Variants in LRRIQ3 observed in about 807,000 individuals in gnomAD.
LRRIQ3 encodes leucine-rich repeat and IQ domain-containing protein 3.
LRRIQ3 carries 75 observed loss-of-function variants against 59.3 expected under a neutral mutation model. That is an observed-to-expected ratio of 1.26 (90% CI 1.05 to 1.53). The LOEUF (loss-of-function observed/expected upper bound fraction) is 1.53, where lower values mean the gene tolerates loss of function less well. Among genes scored for constraint, LRRIQ3 ranks in the 40% most tolerant of loss-of-function variants. The probability of loss-of-function intolerance (pLI) is 0.00; values close to 1 mark genes in which losing one functional copy is unlikely to be tolerated. For missense variants in LRRIQ3, 831 were observed against 710.0 expected, an observed-to-expected ratio of 1.17 and a Z score of -1.94; for synonymous variants, 250 against 231.3, an observed-to-expected ratio of 1.08 and a Z score of -0.73.
At chr1:74,160,388 A>G (rs1648590652) in intron 3 of LRRIQ3, among the ~76,000 whole-genome samples, 1 of 152,074 alleles carries the variant, frequency 6.6e-6, no homozygotes. Flanking sequence ...AGAAATATAA[A>G]TACTTCTGCA....
intron 6 of LRRIQ3, among the ~76,000 whole-genome samples, chr1:74,049,398 A>C (rs1359272695): frequency 6.6e-6 from 1 of 152,226 alleles, no homozygotes; most frequent in Non-Finnish European, 1.5e-5. Context: ...GGACTGGTTA[A>C]GAGGCTACTC....
chr1:74,142,600 A>G (rs12021625), intron 4 of LRRIQ3, among the ~76,000 whole-genome samples: 129,132 of 151,950 alleles, frequency 0.85, 55,731 homozygotes, highest in East Asian at 0.97. Flanking sequence ...TCAGTGTCAT[A>G]TATTATATAC....
At chr1:74,149,327 C>G (rs1371302999) in intron 4 of LRRIQ3, among the ~76,000 whole-genome samples, 1 of 152,158 alleles carries the variant, frequency 6.6e-6, no homozygotes, top group Non-Finnish European at 1.5e-5. Flanking sequence ...GTGAAAAGCA[C>G]TTCAAGAATG....
At chr1:74,120,605 C>T (rs966127532) in intron 4 of LRRIQ3, among the ~76,000 whole-genome samples, 1 of 151,830 alleles carries the variant, frequency 6.6e-6, no homozygotes, top group African/African-American at 2.4e-5. Context: ...CATATTAATA[C>T]ATTATATAAT....
intron 5 of LRRIQ3, chr1:74,081,944 G>A (rs567371806): frequency 6.6e-6 from 1 of 151,412 alleles, no homozygotes; most frequent in East Asian, 1.9e-4. Context: ...TCTCTCTGAG[G>A]ACTGAGGTTG....
At chr1:74,155,927 T>C in intron 3 of LRRIQ3, 61 bp from the exon 4 acceptor site, 1 of 979,044 alleles carries the variant, frequency 1.0e-6, no homozygotes, top group Non-Finnish European at 1.4e-6. Context: ...TCAAAAGATA[T>C]TTTAAATTTG....
At chr1:74,037,474 C>T (rs1253175903) in intron 7 of LRRIQ3, among the ~76,000 whole-genome samples, 1 of 151,578 alleles carries the variant, frequency 6.6e-6, no homozygotes, top group African/African-American at 2.4e-5. Context: ...CTTGTCTCTA[C>T]TAAAAATACA....
chr1:74,131,618 C>A (rs1647021406), intron 4 of LRRIQ3, among the ~76,000 whole-genome samples: 1 of 152,066 alleles, frequency 6.6e-6, no homozygotes, highest in East Asian at 1.9e-4. Context: ...GAACCAAAGA[C>A]AAAAACCACA....
At chr1:74,107,149 T>G (rs1263259756) in intron 5 of LRRIQ3, among the ~76,000 whole-genome samples, 1 of 152,040 alleles carries the variant, frequency 6.6e-6, no homozygotes, top group Non-Finnish European at 1.5e-5. Context: ...TCTTCGCACT[T>G]TAGGTTCCAT....
At chr1:74,035,321 T>C (rs1653837912) in intron 7 of LRRIQ3, among the ~76,000 whole-genome samples, 2 of 152,126 alleles carry the variant, frequency 1.3e-5, no homozygotes, top group Admixed American at 1.3e-4. Flanking sequence ...TATAGATAGA[T>C]AAATGTTCTT....
intron 3 of LRRIQ3, among the ~76,000 whole-genome samples, chr1:74,170,362 C>A (rs535424999): frequency 3.3e-5 from 5 of 152,164 alleles, no homozygotes; most frequent in African/African-American, 1.2e-4. Flanking sequence ...GACAAAGGTC[C>A]AATTTCATTC....
At chr1:74,158,923 C>T (rs1383830737) in intron 3 of LRRIQ3, among the ~76,000 whole-genome samples, 1 of 152,052 alleles carries the variant, frequency 6.6e-6, no homozygotes, top group East Asian at 1.9e-4. Flanking sequence ...ATTTCCTTCC[C>T]CTGGGCCCCT....
At chr1:74,136,381 G>A (rs1252599353) in intron 4 of LRRIQ3, among the ~76,000 whole-genome samples, 1 of 151,860 alleles carries the variant, frequency 6.6e-6, no homozygotes, top group Non-Finnish European at 1.5e-5. Flanking sequence ...AATTCTGTAA[G>A]ACCACAGTGT....
At chr1:74,081,242 C>T (rs1646270552) in intron 5 of LRRIQ3, among the ~76,000 whole-genome samples, 1 of 151,534 alleles carries the variant, frequency 6.6e-6, no homozygotes, top group South Asian at 2.1e-4. Context: ...TGTGACATTT[C>T]TCTTCTACAC....
chr1:74,042,095 G>T (rs761779848), intron 6 of LRRIQ3, among the ~76,000 whole-genome samples, 162 bp from the exon 7 acceptor site: 21 of 151,940 alleles, frequency 1.4e-4, no homozygotes, highest in Non-Finnish European at 2.5e-4. Context: ...AGTAACTTTG[G>T]AGAAGAAAAT....
intron 6 of LRRIQ3, among the ~76,000 whole-genome samples, chr1:74,055,211 T>TATATATATATAC (rs1491233534): frequency 7.8e-6 from 1 of 127,664 alleles, no homozygotes; most frequent in African/African-American, 2.8e-5. Context: ...TATATATATA[T>TATATATATATAC]ACACACACAT....
At chr1:74,075,039 C>T (rs1201205072) in intron 5 of LRRIQ3, among the ~76,000 whole-genome samples, 1 of 151,842 alleles carries the variant, frequency 6.6e-6, no homozygotes. Flanking sequence ...GAAAGAGAGA[C>T]CTGCCAGGAA....
Position 74,073,509 on chromosome 1 carries a change from A to AAAACAAAC in LRRIQ3, c.997+1144_997+1151dup, listed in dbSNP as rs150618239. Reference sequence around the variant, plus strand: ...TTAGGTGACAGAGTGAGACTGTCTTAAAACAAACAAACAAACAAACAAACA... The same window carrying AAAACAAAC: ...TTAGGTGACAGAGTGAGACTGTCTTAAAACAAACAAACAAACAAACAAACAAACAAACA... On this transcript the variant is annotated intron_variant, in intron 6 of 7. Transcript: ENST00000354431. Among the ~76,000 whole-genome samples, 894 of 149,504 alleles carry AAAACAAAC rather than the reference A, an allele frequency of 6.0e-3. 2 individuals are homozygous for AAAACAAAC. Among genetic ancestry groups the AAAACAAAC allele is most frequent in the South Asian group, 9.5e-3 (45 of 4,720 alleles).
intron 6 of LRRIQ3, among the ~76,000 whole-genome samples, chr1:74,074,145 TA>T (rs1314008068): frequency 3.3e-5 from 5 of 152,154 alleles, no homozygotes; most frequent in African/African-American, 7.2e-5. Flanking sequence ...TGATTCTTCC[TA>T]AAAAAATTTC....
Sources: allele counts gnomAD v4.1 joint callset (sites outside exome capture counted in the v4.1 genomes callset), GRCh38; gene constraint gnomAD v4.1.1; transcripts MANE v1.5; gene names NCBI Gene and HGNC (gene_info 2026-07-23, HGNC 2026-07-21).